TRIM9: variants seen among roughly 807,000 people sequenced by gnomAD.
TRIM9 encodes the protein tripartite motif containing 9.
Under a neutral mutation model 78.3 loss-of-function variants are expected in TRIM9, and 26 were observed. The observed-to-expected ratio is 0.33, with a 90% confidence interval of 0.24 to 0.46. TRIM9 has a LOEUF of 0.46. TRIM9 is among the 20% of genes least tolerant of loss of function. The pLI, the probability that TRIM9 is intolerant of heterozygous loss-of-function variation, is 1.00. For missense variants in TRIM9, 787 were observed against 1,036.4 expected, an observed-to-expected ratio of 0.76 and a Z score of 3.30; for synonymous variants, 398 against 416.5, an observed-to-expected ratio of 0.96 and a Z score of 0.54.
chr14:51,077,792 A>T (rs1386382880), intron 1 of TRIM9, among the ~76,000 whole-genome samples: 1 of 152,236 alleles, frequency 6.6e-6, no homozygotes, highest in Non-Finnish European at 1.5e-5. Flanking sequence ...TTCATATAGC[A>T]AGCCTTGTTT....
chr14:51,076,727 G>C (rs1323189215), intron 1 of TRIM9, among the ~76,000 whole-genome samples: 1 of 152,124 alleles, frequency 6.6e-6, no homozygotes, highest in Admixed American at 6.5e-5. Context: ...AACAGTCCTT[G>C]GTGAATGGTC....
At chr14:51,000,620 G>A in intron 6 of TRIM9, 63 bp downstream of exon 6, 2 of 1,592,640 alleles carry the variant, frequency 1.3e-6, no homozygotes, top group Admixed American at 3.4e-5. Context: ...GAGACTCCCT[G>A]GCAGGTCCTC....
chr14:51,046,683 G>A (rs1337463947), intron 1 of TRIM9, among the ~76,000 whole-genome samples: 1 of 152,166 alleles, frequency 6.6e-6, no homozygotes, highest in African/African-American at 2.4e-5. Flanking sequence ...GATAAAGAAT[G>A]CAGACTTTGG....
chr14:51,039,931 G>A (rs1030484931), intron 1 of TRIM9, among the ~76,000 whole-genome samples: 1 of 151,764 alleles, frequency 6.6e-6, no homozygotes, highest in Non-Finnish European at 1.5e-5. Flanking sequence ...TGTATTTTTA[G>A]TAGAGACTCT....
At chr14:50,996,980 T>C (rs1236101642) in intron 7 of TRIM9, 5 of 985,306 alleles carry the variant, frequency 5.1e-6, no homozygotes, top group Non-Finnish European at 6.0e-6. Flanking sequence ...CTGGCACATG[T>C]TGAGGTTTGT....
intron 5 of TRIM9, among the ~76,000 whole-genome samples, chr14:51,007,800 C>CAAAAAAAAAAA (rs3029461): frequency 7.5e-6 from 1 of 132,838 alleles, no homozygotes. Flanking sequence ...CATATTAAAC[C>CAAAAAAAAAAA]AAAAAAAAAA....
rs1596159405 is a variant in TRIM9, at chr14:51,009,013, A to T, written c.1306+67T>A. 6 of 1,537,468 alleles carry T rather than the reference A, an allele frequency of 3.9e-6. No homozygotes were observed. The East Asian group carries it at 1.3e-4, about 34-fold the overall frequency. On this transcript the variant is annotated intron_variant, in intron 5 of 12. Transcript: ENST00000684578. ...TGTTACATTAGCCAAAGGGGTACTG[A>T]TCCTGCTTCAAGCACCAGCATCCAC...
At chr14:51,053,619 T>G (rs2060644702) in intron 1 of TRIM9, among the ~76,000 whole-genome samples, 1 of 142,096 alleles carries the variant, frequency 7.0e-6, no homozygotes, top group African/African-American at 2.7e-5. Flanking sequence ...TATTATACTC[T>G]AAGTTTTAGG....
intron 10 of TRIM9, 84 bp downstream of exon 10, chr14:50,982,857 TA>T: frequency 7.8e-7 from 1 of 1,277,462 alleles, no homozygotes. Flanking sequence ...TCGAGAGATG[TA>T]ATTGCTGATT....
chr14:51,035,818 C>G (rs2059096552), intron 1 of TRIM9, among the ~76,000 whole-genome samples: 1 of 152,182 alleles, frequency 6.6e-6, no homozygotes, highest in African/African-American at 2.4e-5. Context: ...AAAGGCTTAG[C>G]CCAAGGAAGG....
chr14:50,991,715 A>C (rs1282960837), intron 7 of TRIM9, among the ~76,000 whole-genome samples: 1 of 152,210 alleles, frequency 6.6e-6, no homozygotes, highest in African/African-American at 2.4e-5. Context: ...TTTCAACAGC[A>C]GTTTTAGAGA....
intron 1 of TRIM9, among the ~76,000 whole-genome samples, chr14:51,082,469 G>A (rs905046665): frequency 1.3e-5 from 2 of 152,156 alleles, no homozygotes; most frequent in African/African-American, 4.8e-5. Flanking sequence ...GCTACAAGGT[G>A]GATGAACTTT....
rs763256784 is a variant in TRIM9 at position 51,009,108 on chromosome 14, G to A, written c.1278C>T (p.Ile426=). The change falls in exon 5 of 13, where the codon ATC becomes ATT. Residue 426 remains isoleucine, a synonymous_variant. Coordinates refer to ENST00000684578, the MANE Select transcript of TRIM9 (RefSeq NM_001387360.1). ...SLDNSPLLQS[I]HQLDFVQVKA... ...TCACTTGCACGAAATCCAGCTGGTG[G>A]ATGGATTGCAGCAGAGGGCTGTTGT... The A allele has an allele frequency of 4.3e-6, 7 of 1,614,038 alleles. No individual in the cohort carries two copies. The highest frequency in any genetic ancestry group is 5.9e-6 in the Non-Finnish European group (7 of 1,179,922).
intron 1 of TRIM9, among the ~76,000 whole-genome samples, chr14:51,082,502 G>A (rs1411815451): frequency 6.6e-6 from 1 of 152,166 alleles, no homozygotes; most frequent in East Asian, 1.9e-4. Flanking sequence ...CGAAGTAAAA[G>A]AAGACAGATG....
rs1310944818 is a variant in TRIM9, at chr14:50,986,142, T to C, written c.1606A>G (p.Thr536Ala). ...GGGAGGGTCTGTTCTTCTGAATCTG[T>C]GTCTAAATGTAAGATCAATGCAAAC... ...KTLVLQTSED[T>A]DSEEQTLPFP... The change falls in exon 8 of 13, where the codon ACA becomes GCA. Residue 536 changes from threonine (T) to alanine (A), a missense_variant and splice_region_variant. By Grantham distance (58) the Thr-to-Ala change is moderately conservative. Around this residue, in one of 3 missense-constraint regions of TRIM9, gnomAD observed 421 missense variants for 514.3 expected, o/e 0.82. Transcript: ENST00000684578. 1.3e-6 allele frequency: 2 copies of C among 1,513,636 alleles called. No individual in the cohort carries two copies. Among genetic ancestry groups the C allele is most frequent in the Admixed American group, 2.1e-5 (1 of 46,806 alleles). The allele number at this position is 1,513,636 out of a possible 1,614,324, so 93.8% of individuals were successfully genotyped here.
Position 51,009,179 on chromosome 14 carries a change from C to T in TRIM9, c.1207G>A (p.Gly403Ser), listed in dbSNP as rs1222434797. 3.1e-6 allele frequency: 5 copies of T among 1,614,090 alleles called. 1 individual carries two copies. In the South Asian group the frequency reaches 5.5e-5, roughly 18 times the overall value. Residue 403 changes from glycine (G) to serine (S), a missense_variant, in exon 5 of 13, where the codon GGC becomes AGC. By Grantham distance (56) the Gly-to-Ser change is moderately conservative. Coordinates refer to ENST00000684578, the MANE Select transcript of TRIM9 (RefSeq NM_001387360.1). ...GTGGTCATCCTTGGAGTGAGTGTGC[C>T]TTTACCCCACTGATCCTCAGTCAGG... is the stretch of plus-strand genomic sequence containing the variant. Reference protein sequence around the residue: ...VHLTEDQWGKGTLTPRMTTDF... With the variant: ...VHLTEDQWGKSTLTPRMTTDF...
chr14:50,977,460 G>A (rs911627861), intron 12 of TRIM9, 107 bp from the exon 13 acceptor site: 5 of 799,336 alleles, frequency 6.3e-6, no homozygotes, highest in South Asian at 1.0e-4. Context: ...TGTTTGCTTC[G>A]CTTTAAACAT....
intron 1 of TRIM9, among the ~76,000 whole-genome samples, chr14:51,029,069 C>T (rs1173945871): frequency 6.6e-6 from 1 of 152,082 alleles, no homozygotes; most frequent in Non-Finnish European, 1.5e-5. Flanking sequence ...CCTGACTTGC[C>T]CAAGCTGCTG....
At chr14:51,057,206 G>A (rs1278820072) in intron 1 of TRIM9, among the ~76,000 whole-genome samples, 2 of 152,218 alleles carry the variant, frequency 1.3e-5, no homozygotes, top group African/African-American at 2.4e-5. Flanking sequence ...TCAATGAGAA[G>A]CAGATTATCT....
Sources: allele counts gnomAD v4.1 joint callset (sites outside exome capture counted in the v4.1 genomes callset), GRCh38; gene constraint gnomAD v4.1.1; regional missense constraint gnomAD v4.1.1; transcripts MANE v1.5; gene names NCBI Gene and HGNC (gene_info 2026-07-23, HGNC 2026-07-21).